The following ZNF148 variants were observed in gnomAD, a reference collection of about 807,000 sequenced individuals.
The protein encoded by ZNF148 is Beta-Enolase Repressor Factor-1.
In ZNF148, 7 loss-of-function variants were observed where a neutral mutation model predicts 67.7. The ratio of observed to expected loss-of-function variants is 0.10; its 90% CI spans 0.06 to 0.19. The LOEUF (loss-of-function observed/expected upper bound fraction) is 0.19. Ranked by LOEUF, ZNF148 falls within the 10% of genes least tolerant of loss-of-function variation. ZNF148 has a pLI of 1.00. For synonymous variants in ZNF148, 333 were observed against 330.7 expected, an observed-to-expected ratio of 1.01 and a Z score of -0.08; for missense variants, 583 against 947.1, an observed-to-expected ratio of 0.62 and a Z score of 5.05.
intron 2 of ZNF148, among the ~76,000 whole-genome samples, chr3:125,326,746 G>A (rs951721767): frequency 2.8e-5 from 4 of 142,944 alleles, no homozygotes; most frequent in Non-Finnish European, 6.1e-5. Flanking sequence ...ATATTTATAT[G>A]TATATATACA....
chr3:125,320,614 C>A (rs905563495), intron 3 of ZNF148, among the ~76,000 whole-genome samples: 1 of 152,156 alleles, frequency 6.6e-6, no homozygotes, highest in Non-Finnish European at 1.5e-5. Context: ...TAATCATCAT[C>A]GTCTTTTGTA....
chr3:125,260,923 T>C (rs1937306989), intron 7 of ZNF148, among the ~76,000 whole-genome samples: 1 of 152,150 alleles, frequency 6.6e-6, no homozygotes, highest in Non-Finnish European at 1.5e-5. Flanking sequence ...CTCCAAAAGA[T>C]CAAAACTTCC....
chr3:125,307,161 G>C (rs1939924477), intron 4 of ZNF148, among the ~76,000 whole-genome samples: 1 of 151,996 alleles, frequency 6.6e-6, no homozygotes, highest in African/African-American at 2.4e-5. Context: ...TCATGACCAA[G>C]TGTGATTTAT....
intron 7 of ZNF148, among the ~76,000 whole-genome samples, chr3:125,268,438 T>C (rs887745619): frequency 1.3e-5 from 2 of 151,810 alleles, no homozygotes; most frequent in Admixed American, 1.3e-4. Context: ...TTCAAGAAAG[T>C]TGGCAAAAAA....
chr3:125,343,766 T>G (rs1941830776), intron 1 of ZNF148, among the ~76,000 whole-genome samples: 1 of 152,128 alleles, frequency 6.6e-6, no homozygotes, highest in Non-Finnish European at 1.5e-5. Flanking sequence ...TAAACCTTGC[T>G]ACCGCTCACT....
chr3:125,371,658 CAA>C (rs34843090), intron 1 of ZNF148, among the ~76,000 whole-genome samples: 33 of 51,138 alleles, frequency 6.5e-4, no homozygotes, highest in Admixed American at 6.3e-4. Flanking sequence ...GACTCCGTCC[CAA>C]AAAAAAAAAA....
chr3:125,346,489 T>C (rs1327480623), intron 1 of ZNF148, among the ~76,000 whole-genome samples: 2 of 152,238 alleles, frequency 1.3e-5, no homozygotes, highest in African/African-American at 4.8e-5. Context: ...TTTGGTTCTG[T>C]ACCCCACCCA....
chr3:125,323,994 G>A (rs73195469), intron 2 of ZNF148, among the ~76,000 whole-genome samples: 2 of 150,668 alleles, frequency 1.3e-5, no homozygotes, highest in African/African-American at 2.4e-5. Flanking sequence ...CAATTGCCTA[G>A]ATGTGGAGTC....
At chr3:125,358,576 C>T (rs1942441417) in intron 1 of ZNF148, among the ~76,000 whole-genome samples, 1 of 152,214 alleles carries the variant, frequency 6.6e-6, no homozygotes, top group Admixed American at 6.5e-5. Context: ...ACAGAAAAAT[C>T]TGTTTCCTAG....
At chr3:125,241,350 A>G (rs1460604732) in intron 7 of ZNF148, among the ~76,000 whole-genome samples, 1 of 144,180 alleles carries the variant, frequency 6.9e-6, no homozygotes, top group African/African-American at 2.6e-5. Context: ...GGGTCTCGCT[A>G]TATTGCCTAG....
At position 125,373,506 on chromosome 3, in the gene ZNF148, G is replaced by A. The variant is rs1942958710; in HGVS notation, c.-234+1596C>T. Reference sequence around the variant, plus strand: ...GTCTGGTGTGAGCTCAGCAAATCCAGAGAGAGCTTGGTTCATTTCCTGACA... The same window carrying A: ...GTCTGGTGTGAGCTCAGCAAATCCAAAGAGAGCTTGGTTCATTTCCTGACA... On this transcript the variant is annotated intron_variant, in intron 1 of 8. Coordinates refer to ENST00000360647, the MANE Select transcript of ZNF148 (RefSeq NM_021964.3). 2.6e-5 allele frequency among the ~76,000 whole-genome samples: 4 copies of A among 152,186 alleles called. No homozygotes were observed. The South Asian group carries it at 8.3e-4, about 32-fold the overall frequency.
At chr3:125,302,225 A>G (rs183539290) in intron 4 of ZNF148, among the ~76,000 whole-genome samples, 3 of 151,898 alleles carry the variant, frequency 2.0e-5, no homozygotes, top group Non-Finnish European at 2.9e-5. Flanking sequence ...AAAAATTGTG[A>G]ACATTAGCCA....
intron 3 of ZNF148, among the ~76,000 whole-genome samples, chr3:125,322,261 C>T (rs1178935643): frequency 1.3e-5 from 2 of 151,760 alleles, no homozygotes; most frequent in Non-Finnish European, 2.9e-5. Context: ...GTCCTGACTT[C>T]GTGATCCACC....
At chr3:125,246,037 T>C (rs1936583740) in intron 7 of ZNF148, among the ~76,000 whole-genome samples, 1 of 152,206 alleles carries the variant, frequency 6.6e-6, no homozygotes, top group African/African-American at 2.4e-5. Context: ...TGCTTTTTTC[T>C]TACCTCCATA....
At chr3:125,371,828 A>G (rs927506286) in intron 1 of ZNF148, among the ~76,000 whole-genome samples, 25 of 151,736 alleles carry the variant, frequency 1.6e-4, no homozygotes, top group African/African-American at 5.6e-4. Flanking sequence ...ATTTTGGGAG[A>G]CGGAGGCGGG....
At chr3:125,344,491 T>A in intron 1 of ZNF148, 1 of 1,149,228 alleles carries the variant, frequency 8.7e-7, no homozygotes, top group Non-Finnish European at 1.3e-6. Context: ...CCAAAAAAAT[T>A]CCCTGAAGAC....
intron 7 of ZNF148, among the ~76,000 whole-genome samples, chr3:125,259,331 A>G (rs919579441): frequency 9.2e-5 from 14 of 152,226 alleles, no homozygotes; most frequent in African/African-American, 3.1e-4. Context: ...TAGAATGACT[A>G]AAATGAAATA....
chr3:125,234,164 T>C, intron 8 of ZNF148, 47 bp downstream of exon 8: 2 of 1,319,272 alleles, frequency 1.5e-6, no homozygotes, highest in South Asian at 1.3e-5. Context: ...TTTATAATTA[T>C]TGTATAATTT....
intron 4 of ZNF148, 69 bp downstream of exon 4, chr3:125,313,239 A>G: frequency 7.7e-7 from 1 of 1,296,706 alleles, no homozygotes. Context: ...AATTTCTTCG[A>G]TGACTTGCAG....
Sources: allele counts gnomAD v4.1 joint callset (sites outside exome capture counted in the v4.1 genomes callset), GRCh38; gene constraint gnomAD v4.1.1; transcripts MANE v1.5; gene names NCBI Gene and HGNC (gene_info 2026-07-23, HGNC 2026-07-21).